MBD5: variants seen among roughly 807,000 people sequenced by gnomAD.
The protein encoded by MBD5 is methyl-CpG-binding domain protein 5.
A neutral mutation model predicts 117.3 loss-of-function variants in MBD5; 13 were observed. The ratio of observed to expected loss-of-function variants is 0.11; its 90% CI spans 0.07 to 0.18. MBD5 has a LOEUF of 0.18. Among genes scored for constraint, MBD5 ranks in the 10% least tolerant of loss-of-function variants. The pLI is 1.00. For synonymous variants in MBD5, 727 were observed against 766.4 expected (o/e 0.95, Z 0.85); for missense variants, 1,879 against 2,093.8 (o/e 0.90, Z 2.00).
chr2:148,185,884 C>G (rs1372153507), intron 2 of MBD5, among the ~76,000 whole-genome samples: 1 of 152,150 alleles, frequency 6.6e-6, no homozygotes. Flanking sequence ...CATTTTCCTA[C>G]CTTTTAAAAT....
intron 1 of MBD5, among the ~76,000 whole-genome samples, chr2:148,163,840 T>C (rs1274713268): frequency 2.0e-5 from 3 of 152,104 alleles, no homozygotes; most frequent in African/African-American, 7.2e-5. Flanking sequence ...CTTTATAAAG[T>C]TGAGTTGAGA....
chr2:148,046,640 T>A (rs895596518), intron 1 of MBD5, among the ~76,000 whole-genome samples: 1 of 152,198 alleles, frequency 6.6e-6, no homozygotes, highest in African/African-American at 2.4e-5. Context: ...TCCTTCCTAA[T>A]TCCTAAGTCC....
intron 1 of MBD5, among the ~76,000 whole-genome samples, chr2:148,143,146 A>G (rs901814760): frequency 1.3e-5 from 2 of 152,254 alleles, no homozygotes; most frequent in Admixed American, 1.3e-4. Context: ...CCCACTTAAT[A>G]TCCTTGATAG....
chr2:148,363,668 A>C (rs557052509), intron 4 of MBD5, among the ~76,000 whole-genome samples: 175 of 152,320 alleles, frequency 1.1e-3, no homozygotes, highest in Non-Finnish European at 2.0e-3. Flanking sequence ...GATGGAGCTG[A>C]AAAATACAGC....
At chr2:148,111,993 C>T (rs183737108) in intron 1 of MBD5, among the ~76,000 whole-genome samples, 8 of 152,102 alleles carry the variant, frequency 5.3e-5, no homozygotes, top group South Asian at 4.2e-4. Flanking sequence ...TTTATTGAAC[C>T]ATACTCACCT....
chr2:148,494,901 C>T (rs1026526843), intron 11 of MBD5, among the ~76,000 whole-genome samples: 10 of 152,066 alleles, frequency 6.6e-5, no homozygotes, highest in South Asian at 2.1e-4. Context: ...AGGTGGAGCT[C>T]GCAGTTAGCC....
chr2:148,477,329 C>T (rs987099677), intron 8 of MBD5, among the ~76,000 whole-genome samples: 7 of 152,094 alleles, frequency 4.6e-5, no homozygotes, highest in Non-Finnish European at 8.8e-5. Flanking sequence ...AGCTCCCTTT[C>T]CCATCTTCTC....
chr2:148,460,243 C>T (rs1020413845), intron 5 of MBD5: 4 of 151,836 alleles, frequency 2.6e-5, no homozygotes, highest in Non-Finnish European at 5.9e-5. Flanking sequence ...TCAACTTCTG[C>T]GAGCAAAAAC....
At chr2:148,273,222 A>C (rs1365576292) in intron 3 of MBD5, among the ~76,000 whole-genome samples, 1 of 152,150 alleles carries the variant, frequency 6.6e-6, no homozygotes, top group Admixed American at 6.6e-5. Context: ...CAAACTGTGC[A>C]CTAACTATGG....
rs1196837177 is a variant in MBD5 at position 148,069,756 on chromosome 2, C to T, written c.-925+48072C>T. Among the ~76,000 whole-genome samples the T allele has an allele frequency of 3.3e-5, 5 of 152,226 alleles. No individual in the cohort carries two copies. In the East Asian group the frequency reaches 9.6e-4, roughly 29 times the overall value. On this transcript the variant is annotated intron_variant, in intron 1 of 13. Coordinates refer to ENST00000642680, the MANE Select transcript of MBD5 (RefSeq NM_001378120.1). ...CCTCTCTTTACATTGGCATAGCACTCTACTTTGAGAAGCAAGATTGTTAAG... is the reference window on the plus strand; with the variant it reads ...CCTCTCTTTACATTGGCATAGCACTTTACTTTGAGAAGCAAGATTGTTAAG...
intron 1 of MBD5, among the ~76,000 whole-genome samples, chr2:148,037,153 T>G (rs1183873523): frequency 2.6e-5 from 4 of 151,954 alleles, no homozygotes; most frequent in African/African-American, 9.7e-5. Context: ...TGCAAACACT[T>G]AATGGAGATT....
chr2:148,500,570 A>T (rs1444795825), intron 11 of MBD5, among the ~76,000 whole-genome samples: 1 of 152,172 alleles, frequency 6.6e-6, no homozygotes, highest in Non-Finnish European at 1.5e-5. Context: ...AAAATTGAAG[A>T]CTTAAAAAAA....
At chr2:148,445,533 T>C (rs913835439) in intron 4 of MBD5, among the ~76,000 whole-genome samples, 1 of 151,454 alleles carries the variant, frequency 6.6e-6, no homozygotes. Flanking sequence ...ATCCAGTCTA[T>C]CATTGTTGGA....
chr2:148,138,381 A>C (rs1161332117), intron 1 of MBD5, among the ~76,000 whole-genome samples: 1 of 152,234 alleles, frequency 6.6e-6, no homozygotes. Flanking sequence ...TTCAGGCTTA[A>C]ATTTCAATTA....
At chr2:148,453,833 C>T (rs1706801859) in intron 4 of MBD5, among the ~76,000 whole-genome samples, 1 of 151,858 alleles carries the variant, frequency 6.6e-6, no homozygotes, top group African/African-American at 2.4e-5. Context: ...TAATATTTAG[C>T]AAAAGAAGGC....
At chr2:148,508,925 CA>C (rs1682127977) in intron 12 of MBD5, among the ~76,000 whole-genome samples, 1 of 152,174 alleles carries the variant, frequency 6.6e-6, no homozygotes, top group South Asian at 2.1e-4. Flanking sequence ...TCAATGTATG[CA>C]TTGTCCAGTC....
chr2:148,376,839 A>AT (rs1704005507), intron 4 of MBD5, among the ~76,000 whole-genome samples: 1 of 136,834 alleles, frequency 7.3e-6, no homozygotes, highest in South Asian at 2.2e-4. Context: ...TATAACATAT[A>AT]TATAATTATA....
intron 4 of MBD5, among the ~76,000 whole-genome samples, chr2:148,380,283 A>G (rs1334004123): frequency 1.3e-5 from 2 of 152,178 alleles, no homozygotes; most frequent in Admixed American, 6.5e-5. Flanking sequence ...ATAAATCTTA[A>G]TATACATTTG....
chr2:148,132,163 G>A (rs750547763), intron 1 of MBD5, among the ~76,000 whole-genome samples: 1 of 151,876 alleles, frequency 6.6e-6, no homozygotes, highest in Non-Finnish European at 1.5e-5. Context: ...ATAATGCCTC[G>A]CACATTGAAA....
Sources: allele counts gnomAD v4.1 joint callset (sites outside exome capture counted in the v4.1 genomes callset), GRCh38; gene constraint gnomAD v4.1.1; transcripts MANE v1.5; gene names NCBI Gene and HGNC (gene_info 2026-07-23, HGNC 2026-07-21).